UBAC1: variants seen among roughly 807,000 people sequenced by gnomAD.
UBAC1 encodes ubiquitin-associated domain-containing protein 1.
Under a neutral mutation model 45.9 loss-of-function variants are expected in UBAC1, and 27 were observed. That is an observed-to-expected ratio of 0.59 (90% CI 0.43 to 0.81). UBAC1 has a LOEUF of 0.81. Among genes scored for constraint, UBAC1 ranks in the 30% least tolerant of loss-of-function variants. The probability of loss-of-function intolerance (pLI) is 0.00; values close to 1 mark genes in which losing one functional copy is unlikely to be tolerated. For missense variants in UBAC1, 529 were observed against 539.2 expected (o/e 0.98, Z 0.19); for synonymous variants, 227 against 215.5 (o/e 1.05, Z -0.47).
At chr9:135,943,645 A>AT (rs1444787800) in intron 7 of UBAC1, among the ~76,000 whole-genome samples, 1 of 152,188 alleles carries the variant, frequency 6.6e-6, no homozygotes, top group African/African-American at 2.4e-5. Context: ...TGTTATAAAG[A>AT]TATGTGCACA....
intron 2 of UBAC1, among the ~76,000 whole-genome samples, chr9:135,954,763 AC>A (rs1314729791): frequency 1.3e-5 from 2 of 152,132 alleles, no homozygotes; most frequent in African/African-American, 4.8e-5. Context: ...CCCATCCCCC[AC>A]TGGCTTGGAG....
Position 135,961,285 on chromosome 9 carries a change from C to A in UBAC1, c.-123G>T. 1.1e-6 allele frequency: 1 copy of A among 888,046 alleles called. No individual in the cohort carries two copies. Among genetic ancestry groups the A allele is most frequent in the Non-Finnish European group, 1.4e-6 (1 of 715,382 alleles). 55.0% of individuals were successfully genotyped at this position (888,046 alleles called of 1,614,324 possible). A position where few individuals can be genotyped will look rare whatever the true frequency, so the allele number is the denominator to read the frequency against. Reference sequence around the variant, plus strand: ...TCCTTCGCTGGGCCGCCGCCCCGCCCCGGCTCCCGTCGGCCGGGCCGCCGT... The same window carrying A: ...TCCTTCGCTGGGCCGCCGCCCCGCCACGGCTCCCGTCGGCCGGGCCGCCGT... On this transcript the variant is annotated 5_prime_UTR_variant, in exon 1 of 10. Coordinates refer to ENST00000371756, the MANE Select transcript of UBAC1 (RefSeq NM_016172.3).
In UBAC1 at chr9:135,939,743, A is replaced by G. The variant is rs1313817619; in HGVS notation, c.893T>C (p.Met298Thr). 1 of 1,613,704 alleles carries G rather than the reference A, an allele frequency of 6.2e-7. No individual in the cohort carries two copies. Among genetic ancestry groups the G allele is most frequent in the Non-Finnish European group, 8.5e-7 (1 of 1,179,766 alleles). Residue 298 changes from methionine (M) to threonine (T), a missense_variant, in exon 8 of 10, where the codon ATG becomes ACG. Met to Thr is a moderately conservative substitution (Grantham distance 81). Coordinates refer to ENST00000371756, the MANE Select transcript of UBAC1 (RefSeq NM_016172.3). ...RADARAVISL[M>T]EMGFDEKEVI... ...CTCTTTCTCGTCGAACCCCATCTCCATCAGGGAAATGACGGCCTAGAGGAC... is the reference window on the plus strand; with the variant it reads ...CTCTTTCTCGTCGAACCCCATCTCCGTCAGGGAAATGACGGCCTAGAGGAC...
At chr9:135,945,825 G>T in intron 6 of UBAC1, 64 bp downstream of exon 6, 1 of 1,355,884 alleles carries the variant, frequency 7.4e-7, no homozygotes. Flanking sequence ...CACCCACGGT[G>T]GGAGCCCCAC....
rs146841803 is a variant in UBAC1, at chr9:135,946,139, G to A, written c.544+130C>T. 8.8e-6 allele frequency: 9 copies of A among 1,017,984 alleles called. No individual in the cohort carries two copies. The African/African-American group carries it at 1.4e-4, about 16-fold the overall frequency. 63.1% of individuals were successfully genotyped at this position (1,017,984 alleles called of 1,614,324 possible). On this transcript the variant is annotated intron_variant, in intron 5 of 9. Transcript: ENST00000371756. ...TCAACAGGAGTTGCCGGTGAGGCAG[G>A]CCCCAGGCCCTCATCAGCGCTTCCA...
chr9:135,946,518 A>G, intron 4 of UBAC1, 147 bp from the exon 5 acceptor site: 1 of 643,490 alleles, frequency 1.6e-6, no homozygotes. Context: ...GCTGAGGGCA[A>G]GGCAGGGGAT....
chr9:135,941,997 AT>A (rs1395404569), intron 7 of UBAC1, among the ~76,000 whole-genome samples: 1 of 152,252 alleles, frequency 6.6e-6, no homozygotes, highest in Non-Finnish European at 1.5e-5. Context: ...GATGATTTTC[AT>A]CAAAGAAGAC....
chr9:135,961,215 C>T lies in UBAC1; in HGVS notation c.-53G>A. ...CGCCACCCGGGCCCCTGAAGGTCAC[C>T]GGGAAGGCGGGCGGGGAGGGGGCGG... On this transcript the variant is annotated 5_prime_UTR_variant, in exon 1 of 10. Coordinates refer to ENST00000371756, the MANE Select transcript of UBAC1 (RefSeq NM_016172.3). 2 of 1,430,462 alleles carry T rather than the reference C, an allele frequency of 1.4e-6. No individual in the cohort carries two copies. The highest frequency in any genetic ancestry group is 3.3e-5 in the Admixed American group (1 of 30,710). The allele number at this position is 1,430,462 out of a possible 1,614,324, so 88.6% of individuals were successfully genotyped here.
Position 135,955,296 on chromosome 9 carries a change from TTGGTCCTGGATGTTCTCTTCCAGGA to T in UBAC1, c.233_257del (p.Ile78LysfsTer6). 6.4e-7 allele frequency: 1 copy of T among 1,574,546 alleles called. No homozygotes were observed. Among genetic ancestry groups the T allele is most frequent in the Non-Finnish European group, 8.6e-7 (1 of 1,164,930 alleles). ...CCCGCCCGCCCACAGCAGCCTTACC[TTGGTCCTGGATGTTCTCTTCCAGGA>T]TGGTCCTGGCATCACTCAGCACCCT... On this transcript the variant is annotated frameshift_variant and splice_region_variant, in exon 2 of 10. Transcript: ENST00000371756. LOFTEE classifies it high-confidence loss of function.
At chr9:135,939,866 C>T in intron 7 of UBAC1, 107 bp from the exon 8 acceptor site, 2 of 860,604 alleles carry the variant, frequency 2.3e-6, no homozygotes, top group South Asian at 3.1e-5. Flanking sequence ...GAGGGTGCTC[C>T]CAACAGCACT....
chr9:135,938,199 T>C (rs908453822), intron 9 of UBAC1, 23 bp downstream of exon 9: 2 of 1,611,446 alleles, frequency 1.2e-6, no homozygotes, highest in Middle Eastern at 3.3e-4. Context: ...ACCCGAGACT[T>C]AGCATAAAGA....
At chr9:135,956,574 C>T (rs891728571) in intron 1 of UBAC1, among the ~76,000 whole-genome samples, 9 of 152,192 alleles carry the variant, frequency 5.9e-5, no homozygotes, top group Non-Finnish European at 1.2e-4. Context: ...CCATACAGCC[C>T]GACACACGAC....
At chr9:135,947,164 G>A (rs1460425064) in intron 4 of UBAC1, among the ~76,000 whole-genome samples, 2 of 152,130 alleles carry the variant, frequency 1.3e-5, no homozygotes, top group Non-Finnish European at 2.9e-5. Context: ...TGCCCTGCCT[G>A]CTGCGGCGTC....
Position 135,945,184 on chromosome 9 carries a change from A to C in UBAC1, c.720T>G (p.Pro240=), listed in dbSNP as rs1348165069. 6.2e-7 allele frequency: 1 copy of C among 1,612,790 alleles called. No homozygotes were observed. The highest frequency in any genetic ancestry group is 8.5e-7 in the Non-Finnish European group (1 of 1,179,622). The change falls in exon 7 of 10, where the codon CCT becomes CCG. Residue 240 remains proline, a synonymous_variant. Coordinates refer to ENST00000371756, the MANE Select transcript of UBAC1 (RefSeq NM_016172.3). The part of the protein sequence containing the change: ...EHAEDPTIDT[P]LPGQAPPEAE... ...CCTCTGGGGGAGCTTGGCCAGGAAG[A>C]GGCGTGTCTATGGTCGGGTCTTCTG...
intron 2 of UBAC1, 70 bp downstream of exon 2, chr9:135,955,225 C>A: frequency 1.4e-6 from 2 of 1,411,490 alleles, no homozygotes; most frequent in South Asian, 3.5e-5. Flanking sequence ...TGGACCACCC[C>A]CTCCTGGCTC....
At chr9:135,941,172 G>A (rs545912883) in intron 7 of UBAC1, among the ~76,000 whole-genome samples, 32 of 152,296 alleles carry the variant, frequency 2.1e-4, no homozygotes, top group East Asian at 5.8e-4. Context: ...TTGGGAGGCC[G>A]GGGTGGGAGG....
At position 135,955,288 on chromosome 9, in the gene UBAC1, G is replaced by C. The variant is rs374638887; in HGVS notation, c.259+7C>G. On this transcript the variant is annotated splice_region_variant and intron_variant, in intron 2 of 9. Coordinates refer to ENST00000371756, the MANE Select transcript of UBAC1 (RefSeq NM_016172.3). ...GCTGCCAACCCGCCCGCCCACAGCA[G>C]CCTTACCTTGGTCCTGGATGTTCTC... 9.6e-6 allele frequency: 15 copies of C among 1,566,596 alleles called. No homozygotes were observed. In the African/African-American group the frequency reaches 1.9e-4, roughly 20 times the overall value.
chr9:135,951,006 A>G (rs1401500077), intron 3 of UBAC1, among the ~76,000 whole-genome samples: 1 of 151,998 alleles, frequency 6.6e-6, no homozygotes, highest in Admixed American at 6.6e-5. Flanking sequence ...GCTAAGGGAG[A>G]AGGATCACTT....
intron 4 of UBAC1, chr9:135,947,582 A>T (rs980576268): frequency 4.1e-6 from 2 of 482,774 alleles, no homozygotes; most frequent in African/African-American, 4.0e-5. Flanking sequence ...TATCTTTTCA[A>T]TCCTGCCTTC....
Sources: allele counts gnomAD v4.1 joint callset (sites outside exome capture counted in the v4.1 genomes callset), GRCh38; gene constraint gnomAD v4.1.1; transcripts MANE v1.5; gene names NCBI Gene and HGNC (gene_info 2026-07-23, HGNC 2026-07-21).